Variants in NTRK2 observed in about 807,000 individuals in gnomAD.
NTRK2 encodes neurotrophic receptor tyrosine kinase 2.
A neutral mutation model predicts 94.5 loss-of-function variants in NTRK2; 13 were observed. The observed-to-expected ratio is 0.14, with a 90% CI of 0.09 to 0.22. NTRK2 has a LOEUF of 0.22. NTRK2 is among the 10% of genes least tolerant of loss of function. The pLI, the probability that NTRK2 is intolerant of heterozygous loss-of-function variation, is 1.00. For synonymous variants in NTRK2, 372 were observed against 407.4 expected (o/e 0.91, Z 1.05); for missense variants, 639 against 1,071.2 (o/e 0.60, Z 5.63).
intron 17 of NTRK2, among the ~76,000 whole-genome samples, chr9:84,990,102 C>T (rs563943593): frequency 6.6e-6 from 1 of 152,260 alleles, no homozygotes; most frequent in East Asian, 1.9e-4. Flanking sequence ...AGATGAAATG[C>T]TTTGGAAACT....
At chr9:84,676,224 T>A (rs867561676) in intron 2 of NTRK2, among the ~76,000 whole-genome samples, 98 of 152,234 alleles carry the variant, frequency 6.4e-4, no homozygotes, top group African/African-American at 2.3e-3. Flanking sequence ...CAGACAAGTT[T>A]CTCAAGGCTC....
At chr9:84,784,684 G>GC (rs2067949573) in intron 12 of NTRK2, among the ~76,000 whole-genome samples, 1 of 152,174 alleles carries the variant, frequency 6.6e-6, no homozygotes, top group African/African-American at 2.4e-5. Context: ...GTACACACAT[G>GC]CAAGGTGCCA....
At chr9:84,677,449 C>T (rs906492477) in intron 2 of NTRK2, among the ~76,000 whole-genome samples, 1 of 152,104 alleles carries the variant, frequency 6.6e-6, no homozygotes, top group Non-Finnish European at 1.5e-5. Flanking sequence ...GAAAAGCACC[C>T]TTCTGAGACA....
At chr9:84,794,860 C>T (rs2069119656) in intron 12 of NTRK2, among the ~76,000 whole-genome samples, 1 of 152,046 alleles carries the variant, frequency 6.6e-6, no homozygotes, top group South Asian at 2.1e-4. Context: ...TTCCACCTCT[C>T]TATATTTGGT....
At chr9:84,938,042 T>C (rs919458499) in intron 15 of NTRK2, among the ~76,000 whole-genome samples, 1 of 152,208 alleles carries the variant, frequency 6.6e-6, no homozygotes, top group African/African-American at 2.4e-5. Context: ...CCAAGCCTCA[T>C]GTTTTATGGA....
At chr9:84,838,879 T>C (rs2074020588) in intron 12 of NTRK2, among the ~76,000 whole-genome samples, 1 of 151,866 alleles carries the variant, frequency 6.6e-6, no homozygotes, top group Non-Finnish European at 1.5e-5. Context: ...AAATTGAAAT[T>C]CTGTACAGAA....
chr9:84,820,169 C>CTT (rs902886137), intron 12 of NTRK2, among the ~76,000 whole-genome samples: 152 of 132,514 alleles, frequency 1.1e-3, no homozygotes, highest in African/African-American at 1.8e-3. Flanking sequence ...TTCTTTCTTT[C>CTT]TTTTTTTTTT....
At chr9:84,954,522 G>T (rs1823864757) in intron 16 of NTRK2, among the ~76,000 whole-genome samples, 1 of 152,246 alleles carries the variant, frequency 6.6e-6, no homozygotes, top group Admixed American at 6.5e-5. Flanking sequence ...GAATAAACAG[G>T]CTGTGGTTCA....
intron 9 of NTRK2, among the ~76,000 whole-genome samples, chr9:84,739,136 C>T (rs781450252): frequency 2.0e-5 from 3 of 152,012 alleles, no homozygotes; most frequent in Non-Finnish European, 2.9e-5. Flanking sequence ...CTGCAACCAC[C>T]GCCTCCTGAG....
chr9:84,761,276 A>C (rs1347869133), intron 12 of NTRK2, among the ~76,000 whole-genome samples: 1 of 152,118 alleles, frequency 6.6e-6, no homozygotes, highest in African/African-American at 2.4e-5. Context: ...CGACAGTGTA[A>C]GGAAGGAAGG....
At chr9:84,685,573 C>T (rs938000864) in intron 2 of NTRK2, among the ~76,000 whole-genome samples, 28 of 152,064 alleles carry the variant, frequency 1.8e-4, no homozygotes, top group African/African-American at 6.5e-4. Context: ...CTTGAAAGCC[C>T]CGTGTCCTCA....
chr9:84,848,827 C>G (rs1292191088), intron 12 of NTRK2, among the ~76,000 whole-genome samples: 1 of 152,154 alleles, frequency 6.6e-6, no homozygotes, highest in Non-Finnish European at 1.5e-5. Context: ...GATAATTCCC[C>G]AAGGGGAGCT....
chr9:84,716,686 T>C (rs1222233241), intron 6 of NTRK2, among the ~76,000 whole-genome samples: 1 of 152,222 alleles, frequency 6.6e-6, no homozygotes. Context: ...TCAGGTTTTA[T>C]CTCCCAAATC....
At chr9:84,802,659 C>T (rs1370518966) in intron 12 of NTRK2, among the ~76,000 whole-genome samples, 2 of 152,176 alleles carry the variant, frequency 1.3e-5, no homozygotes, top group Non-Finnish European at 2.9e-5. Context: ...CTGCCTCAGT[C>T]GGAACATATA....
At chr9:85,005,381 T>G (rs573203821) in intron 17 of NTRK2, among the ~76,000 whole-genome samples, 10 of 152,340 alleles carry the variant, frequency 6.6e-5, no homozygotes, top group African/African-American at 2.4e-4. Flanking sequence ...TGGACCCTGA[T>G]TCTGACTGTG....
At chr9:84,828,800 C>A (rs965999158) in intron 12 of NTRK2, among the ~76,000 whole-genome samples, 1 of 152,078 alleles carries the variant, frequency 6.6e-6, no homozygotes, top group Non-Finnish European at 1.5e-5. Context: ...ATTGAAAAGT[C>A]AAAGCCGATT....
At chr9:85,014,893 T>C (rs1832050325) in intron 17 of NTRK2, among the ~76,000 whole-genome samples, 2 of 152,218 alleles carry the variant, frequency 1.3e-5, no homozygotes, top group African/African-American at 4.8e-5. Context: ...TATTAAGGGC[T>C]AAAAGAACAG....
chr9:84,931,416 A>AGAG, intron 14 of NTRK2, among the ~76,000 whole-genome samples: 1 of 147,904 alleles, frequency 6.8e-6, no homozygotes, highest in South Asian at 2.1e-4. Flanking sequence ...CAAAAAAAAA[A>AGAG]AGAGAGAGAG....
chr9:84,926,424 G>A (rs2077823198), intron 14 of NTRK2, among the ~76,000 whole-genome samples: 1 of 151,744 alleles, frequency 6.6e-6, no homozygotes, highest in Admixed American at 6.6e-5. Flanking sequence ...TAGAGACTGG[G>A]TTTCTCCATG....
Sources: gnomAD v4.1 joint callset for allele counts (sites outside exome capture counted in the v4.1 genomes callset) on GRCh38, gnomAD v4.1.1 for gene constraint, MANE v1.5 for transcripts, NCBI Gene and HGNC (gene_info 2026-07-23, HGNC 2026-07-21) for gene names.